Variants in CD86 observed in about 807,000 individuals in gnomAD.
CD86 encodes the protein CD86 molecule.
Under a neutral mutation model 32.1 loss-of-function variants are expected in CD86, and 11 were observed. That is an observed-to-expected ratio of 0.34 (90% confidence interval 0.22 to 0.57). CD86 has a LOEUF of 0.57. Among genes scored for constraint, CD86 ranks in the 20% least tolerant of loss-of-function variants. The pLI is 0.86. For missense variants in CD86, 359 were observed against 398.4 expected (o/e 0.90, Z 0.84); for synonymous variants, 137 against 135.3 (o/e 1.01, Z -0.09).
At chr3:122,106,840 G>GCACACACACACACACACACACA (rs56759758) in intron 4 of CD86, among the ~76,000 whole-genome samples, 22 of 143,576 alleles carry the variant, frequency 1.5e-4, no homozygotes, top group Middle Eastern at 3.4e-3. Flanking sequence ...ACATGCGCTT[G>GCACACACACACACACACACACA]CACACACACA....
At chr3:122,077,184 G>A (rs569827427) in intron 1 of CD86, among the ~76,000 whole-genome samples, 17 of 152,152 alleles carry the variant, frequency 1.1e-4, no homozygotes, top group African/African-American at 4.1e-4. Context: ...GCCTGATCAG[G>A]GCAGAAAAAG....
intron 1 of CD86, among the ~76,000 whole-genome samples, chr3:122,056,222 G>A (rs2072232164): frequency 6.6e-6 from 1 of 152,122 alleles, no homozygotes; most frequent in Non-Finnish European, 1.5e-5. Context: ...TTTCCTGCCC[G>A]CTTCGTGGTG....
intron 2 of CD86, among the ~76,000 whole-genome samples, chr3:122,094,420 T>A (rs765876951): frequency 7.9e-5 from 12 of 152,352 alleles, no homozygotes; most frequent in Non-Finnish European, 1.0e-4. Flanking sequence ...AATAAGTGAC[T>A]ATATTTTTGG....
At chr3:122,078,391 A>G (rs1369910135) in intron 1 of CD86, among the ~76,000 whole-genome samples, 2 of 152,226 alleles carry the variant, frequency 1.3e-5, no homozygotes, top group African/African-American at 2.4e-5. Flanking sequence ...CTCTAGAAGA[A>G]GCAGTCCAAA....
In CD86 at chr3:122,101,495, G is replaced by GAA. The variant is rs72402574; in HGVS notation, c.65-1999_65-1998dup. Among the ~76,000 whole-genome samples, 134 of 53,356 alleles carry GAA rather than the reference G, an allele frequency of 2.5e-3. 1 individual carries two copies. Among genetic ancestry groups the GAA allele is most frequent in the African/African-American group, 4.1e-3 (63 of 15,360 alleles). 35.0% of individuals were successfully genotyped at this position (53,356 alleles called of 152,430 possible). On this transcript the variant is annotated intron_variant, in intron 2 of 6. Transcript: ENST00000330540. Reference sequence around the variant, plus strand: ...AAAGAAGATACTGTGAGGCTCTACAGAAAAAAAAAAAAAAAAAAATATATA... The same window carrying GAA: ...AAAGAAGATACTGTGAGGCTCTACAGAAAAAAAAAAAAAAAAAAAAATATATA...
chr3:122,101,418 C>T (rs935646818), intron 2 of CD86, among the ~76,000 whole-genome samples: 12 of 147,518 alleles, frequency 8.1e-5, no homozygotes, highest in African/African-American at 2.8e-4. Flanking sequence ...GAGAAGGGGC[C>T]TGGGTCAGCG....
At chr3:122,091,566 T>C (rs2072821915) in intron 1 of CD86, 35 bp from the exon 2 acceptor site, 1 of 1,477,268 alleles carries the variant, frequency 6.8e-7, no homozygotes, top group South Asian at 1.2e-5. Context: ...TTTCCTTTTC[T>C]AATCAAGTTT....
At chr3:122,109,444 T>C (rs747694532) in intron 5 of CD86, 36 bp downstream of exon 5, 2 of 1,612,154 alleles carry the variant, frequency 1.2e-6, no homozygotes, top group Non-Finnish European at 1.7e-6. Context: ...AGACTGTCAC[T>C]TTGCACCTAC....
At chr3:122,086,323 C>G (rs1014995001) in intron 1 of CD86, among the ~76,000 whole-genome samples, 3 of 152,112 alleles carry the variant, frequency 2.0e-5, no homozygotes, top group Non-Finnish European at 4.4e-5. Context: ...CTTTGTTGCT[C>G]TCCAACATCT....
intron 1 of CD86, among the ~76,000 whole-genome samples, chr3:122,089,445 CTT>C (rs2072778215): frequency 6.6e-6 from 1 of 152,092 alleles, no homozygotes; most frequent in Admixed American, 6.5e-5. Context: ...AATAAGCACT[CTT>C]GTGTTGATCA....
chr3:122,061,986 T>C (rs1317501902), intron 1 of CD86, among the ~76,000 whole-genome samples: 1 of 152,124 alleles, frequency 6.6e-6, no homozygotes. Context: ...GTGCAAGATG[T>C]TACCACTGAA....
At chr3:122,080,427 A>G (rs1183772469) in intron 1 of CD86, among the ~76,000 whole-genome samples, 1 of 152,200 alleles carries the variant, frequency 6.6e-6, no homozygotes, top group Non-Finnish European at 1.5e-5. Context: ...GGGGACCGGA[A>G]AAGCTAAATG....
intron 2 of CD86, among the ~76,000 whole-genome samples, chr3:122,094,765 A>G (rs1370930985): frequency 6.6e-6 from 1 of 152,180 alleles, no homozygotes; most frequent in Non-Finnish European, 1.5e-5. Context: ...TGGAAATTTG[A>G]CACAGTAGTA....
chr3:122,105,486 G>T (rs926279887), intron 3 of CD86, among the ~76,000 whole-genome samples: 1 of 152,154 alleles, frequency 6.6e-6, no homozygotes, highest in Non-Finnish European at 1.5e-5. Flanking sequence ...CTGACAGAAG[G>T]CACATGACAC....
At chr3:122,070,943 G>C (rs942217105) in intron 1 of CD86, among the ~76,000 whole-genome samples, 5 of 152,066 alleles carry the variant, frequency 3.3e-5, no homozygotes, top group African/African-American at 1.2e-4. Context: ...TGGTTAGCAT[G>C]TGTGTTTTTT....
intron 1 of CD86, among the ~76,000 whole-genome samples, chr3:122,088,189 T>C (rs1280498558): frequency 6.6e-6 from 1 of 151,094 alleles, no homozygotes; most frequent in East Asian, 1.9e-4. Context: ...CCTCTTTTTT[T>C]TTTTTTTTTT....
At chr3:122,091,830 T>G in intron 2 of CD86, 180 bp downstream of exon 2, 1 of 609,174 alleles carries the variant, frequency 1.6e-6, no homozygotes, top group South Asian at 2.0e-5. Context: ...TGAGAGCAGC[T>G]GATGGCAGGC....
intron 1 of CD86, among the ~76,000 whole-genome samples, chr3:122,064,750 T>C (rs1248866569): frequency 6.6e-6 from 1 of 152,222 alleles, no homozygotes; most frequent in East Asian, 1.9e-4. Flanking sequence ...CTCTGACCTC[T>C]GTTAATGCAT....
chr3:122,087,499 C>G (rs2072743118), intron 1 of CD86, among the ~76,000 whole-genome samples: 1 of 152,200 alleles, frequency 6.6e-6, no homozygotes. Context: ...AGCCCACACC[C>G]TCGCACACAC....
Sources: allele counts gnomAD v4.1 joint callset (sites outside exome capture counted in the v4.1 genomes callset), GRCh38; gene constraint gnomAD v4.1.1; transcripts MANE v1.5; gene names NCBI Gene and HGNC (gene_info 2026-07-23, HGNC 2026-07-21).